GPHN: variants seen among roughly 807,000 people sequenced by gnomAD.
GPHN encodes gephyrin.
A neutral mutation model predicts 95.5 loss-of-function variants in GPHN; 17 were observed. That is an observed-to-expected ratio of 0.18 (90% CI 0.12 to 0.27). The LOEUF (loss-of-function observed/expected upper bound fraction) is 0.27. GPHN is among the 10% of genes least tolerant of loss of function. GPHN has a pLI of 1.00. For missense variants in GPHN, 660 were observed against 978.1 expected, an observed-to-expected ratio of 0.67 and a Z score of 4.34; for synonymous variants, 320 against 322.5, an observed-to-expected ratio of 0.99 and a Z score of 0.08.
the GPHN span, among the ~76,000 whole-genome samples, chr14:67,331,709 A>AT: frequency 2.0e-5 from 3 of 152,210 alleles, no homozygotes; most frequent in Non-Finnish European, 4.4e-5. Context: ...CTTAAATTTG[A>AT]TAAAAACTAG....
At chr14:67,414,216 T>C in the GPHN span, among the ~76,000 whole-genome samples, 2 of 152,192 alleles carry the variant, frequency 1.3e-5, no homozygotes, top group East Asian at 3.9e-4. Context: ...AAGAGATGGA[T>C]ACCTTCTCCT....
At chr14:66,696,208 T>A (rs59067490) in intron 2 of GPHN, among the ~76,000 whole-genome samples, 49,937 of 152,158 alleles carry the variant, frequency 0.33, 12,029 homozygotes, top group African/African-American at 0.66. Context: ...TGTGGTTATC[T>A]CATAAACAAA....
the GPHN span, chr14:67,312,135 T>C: frequency 1.3e-5 from 2 of 153,494 alleles, no homozygotes; most frequent in African/African-American, 4.8e-5. Flanking sequence ...AGGCACCTTG[T>C]ACCTCAGCTT....
intron 4 of GPHN, among the ~76,000 whole-genome samples, chr14:66,858,376 A>G (rs2062884388): frequency 1.3e-5 from 2 of 151,952 alleles, no homozygotes; most frequent in Admixed American, 1.3e-4. Context: ...CCCCCTTTCC[A>G]GGCCTTAGCT....
intron 2 of GPHN, among the ~76,000 whole-genome samples, chr14:66,776,052 C>G (rs1566932739): frequency 6.6e-6 from 1 of 152,136 alleles, no homozygotes; most frequent in Non-Finnish European, 1.5e-5. Flanking sequence ...TGTGAATGCT[C>G]TAATTTCTGC....
chr14:67,239,115 C>G, the GPHN span, among the ~76,000 whole-genome samples: 1 of 152,162 alleles, frequency 6.6e-6, no homozygotes, highest in African/African-American at 2.4e-5. Flanking sequence ...ATCTAAGCAG[C>G]TGAGGAAGCA....
At chr14:66,824,591 A>T in intron 4 of GPHN, 25 bp downstream of exon 4, 1 of 1,024,030 alleles carries the variant, frequency 9.8e-7, no homozygotes. Flanking sequence ...GCCTTTTCAT[A>T]TTCAAGGATT....
intron 10 of GPHN, among the ~76,000 whole-genome samples, chr14:67,053,171 G>GTT (rs201281425): frequency 0.014 from 1,608 of 118,498 alleles, 24 homozygotes; most frequent in Non-Finnish European, 0.016. Context: ...CTAGGAGCTG[G>GTT]TTTGTTTTTT....
chr14:66,720,536 T>C (rs1396552052), intron 2 of GPHN, among the ~76,000 whole-genome samples: 3 of 152,268 alleles, frequency 2.0e-5, no homozygotes, highest in Non-Finnish European at 4.4e-5. Context: ...AAGCCAAATA[T>C]CAGACCAGTT....
intron 4 of GPHN, among the ~76,000 whole-genome samples, chr14:66,856,907 A>AT (rs1010367425): frequency 2.0e-5 from 3 of 152,190 alleles, no homozygotes; most frequent in East Asian, 1.9e-4. Context: ...AATTCAGTGT[A>AT]TTTTTTTCCT....
intron 3 of GPHN, among the ~76,000 whole-genome samples, chr14:66,792,258 T>A (rs377094755): frequency 3.9e-5 from 6 of 152,034 alleles, no homozygotes; most frequent in Non-Finnish European, 7.4e-5. Context: ...GTCACTCAGG[T>A]TCAAACACCT....
chr14:66,929,785 C>T (rs1273981343), intron 8 of GPHN, among the ~76,000 whole-genome samples: 1 of 151,736 alleles, frequency 6.6e-6, no homozygotes, highest in Non-Finnish European at 1.5e-5. Flanking sequence ...TATCTTGGCT[C>T]ACTGCAGTCT....
intron 1 of GPHN, among the ~76,000 whole-genome samples, chr14:66,592,022 T>C (rs1461035949): frequency 6.6e-6 from 1 of 152,206 alleles, no homozygotes; most frequent in Non-Finnish European, 1.5e-5. Flanking sequence ...AGCCATCTTA[T>C]CTTTGGCAAA....
the GPHN span, among the ~76,000 whole-genome samples, chr14:67,603,149 A>G: frequency 6.6e-6 from 1 of 152,156 alleles, no homozygotes; most frequent in Non-Finnish European, 1.5e-5. Flanking sequence ...GGCTCACTGC[A>G]GTCTCAACTT....
At chr14:67,703,764 C>T in the GPHN span, among the ~76,000 whole-genome samples, 1 of 152,186 alleles carries the variant, frequency 6.6e-6, no homozygotes, top group Non-Finnish European at 1.5e-5. Flanking sequence ...CAACCTCTCT[C>T]TCCTGGTCTC....
At chr14:66,579,332 G>T (rs911558844) in intron 1 of GPHN, among the ~76,000 whole-genome samples, 1 of 151,550 alleles carries the variant, frequency 6.6e-6, no homozygotes, top group Non-Finnish European at 1.5e-5. Context: ...GAACAAAATG[G>T]CAGTTGTATG....
chr14:66,629,181 A>G (rs60201435), intron 1 of GPHN, among the ~76,000 whole-genome samples: 13,687 of 106,762 alleles, frequency 0.13, 3,042 homozygotes, highest in African/African-American at 0.49. Flanking sequence ...ATATATATAC[A>G]TATATAAATA....
intron 1 of GPHN, among the ~76,000 whole-genome samples, chr14:66,521,475 A>G (rs2139814987): frequency 6.6e-6 from 1 of 152,278 alleles, no homozygotes; most frequent in African/African-American, 2.4e-5. Context: ...TGCTATAGCA[A>G]AATACTTAGA....
chr14:66,544,933 G>A (rs2059483266), intron 1 of GPHN, among the ~76,000 whole-genome samples: 1 of 152,100 alleles, frequency 6.6e-6, no homozygotes, highest in Non-Finnish European at 1.5e-5. Context: ...AGGATCCCAA[G>A]GCAGAAGAAT....
Sources: gnomAD v4.1 joint callset for allele counts (sites outside exome capture counted in the v4.1 genomes callset) on GRCh38, gnomAD v4.1.1 for gene constraint, MANE v1.5 for transcripts, NCBI Gene and HGNC (gene_info 2026-07-23, HGNC 2026-07-21) for gene names.